AVEN: variants seen among roughly 807,000 people sequenced by gnomAD.
AVEN encodes apoptosis and caspase activation inhibitor.
Under a neutral mutation model 38.1 loss-of-function variants are expected in AVEN, and 41 were observed. The ratio of observed to expected loss-of-function variants is 1.08; its 90% CI spans 0.84 to 1.40. The LOEUF is 1.40. Among genes scored for constraint, AVEN ranks in the 40% most tolerant of loss-of-function variants. The pLI, the probability that AVEN is intolerant of heterozygous loss-of-function variation, is 0.00. For missense variants in AVEN, 605 were observed against 438.8 expected, an observed-to-expected ratio of 1.38 and a Z score of -3.38; for synonymous variants, 206 against 171.8, an observed-to-expected ratio of 1.20 and a Z score of -1.56.
chr15:33,856,682 C>G (rs375174322), downstream of AVEN: 1 of 156,086 alleles, frequency 6.4e-6, no homozygotes, highest in East Asian at 1.9e-4. Context: ...TTTTTTGAGA[C>G]GGAGTCTCAC....
chr15:33,932,834 C>T (rs200927690), intron 2 of AVEN, among the ~76,000 whole-genome samples: 7 of 139,876 alleles, frequency 5.0e-5, no homozygotes, highest in East Asian at 4.0e-4. Context: ...ACAAAATAAA[C>T]AAACAAATAA....
chr15:33,990,042 A>G (rs1057011777), intron 2 of AVEN, among the ~76,000 whole-genome samples: 1 of 151,810 alleles, frequency 6.6e-6, no homozygotes, highest in East Asian at 1.9e-4. Flanking sequence ...GTCTCTACTA[A>G]AAATACACAA....
chr15:33,969,516 G>C (rs1182216832), intron 2 of AVEN, among the ~76,000 whole-genome samples: 3 of 151,628 alleles, frequency 2.0e-5, no homozygotes, highest in Non-Finnish European at 4.4e-5. Flanking sequence ...TAGTTTCCCA[G>C]AGTACTTGAT....
chr15:33,894,752 G>T (rs142053580), intron 2 of AVEN, among the ~76,000 whole-genome samples: 1,979 of 123,692 alleles, frequency 0.016, 186 homozygotes, highest in South Asian at 0.039. Flanking sequence ...GGAGCTTGCA[G>T]TGAGCGGAGA....
chr15:33,854,318 T>G (rs2153000222), downstream of AVEN: 1 of 1,324,960 alleles, frequency 7.5e-7, no homozygotes, highest in Middle Eastern at 1.8e-4. Context: ...AAAACTTACT[T>G]TTTCCCCCTT....
intron 1 of AVEN, among the ~76,000 whole-genome samples, chr15:34,010,808 T>C (rs1416983380): frequency 1.3e-5 from 2 of 152,224 alleles, no homozygotes; most frequent in Non-Finnish European, 2.9e-5. Flanking sequence ...CATTTCAAAA[T>C]GTTTAATGTT....
intron 4 of AVEN, chr15:34,064,461 T>C (rs1326029548): frequency 1.0e-6 from 1 of 998,742 alleles, no homozygotes; most frequent in African/African-American, 1.6e-5. Context: ...CAAGTTTGGT[T>C]GCCAAATGGA....
Position 34,028,122 on chromosome 15 carries a change from G to A in AVEN, c.267+10658C>T, listed in dbSNP as rs150756749. On this transcript the variant is annotated intron_variant, in intron 1 of 5. Coordinates refer to ENST00000306730, the MANE Select transcript of AVEN (RefSeq NM_020371.3). ...AGAGACCCCCCCTCAGCAAAAGCTGGGAGACTTCATGCTTCAAGCCATTTA... is the reference window on the plus strand; with the variant it reads ...AGAGACCCCCCCTCAGCAAAAGCTGAGAGACTTCATGCTTCAAGCCATTTA... Among the ~76,000 whole-genome samples, 634 of 152,146 alleles carry A rather than the reference G, an allele frequency of 4.2e-3. 5 individuals are homozygous for A. Among genetic ancestry groups the A allele is most frequent in the African/African-American group, 0.014 (582 of 41,510 alleles).
chr15:34,045,385 G>A (rs1180207694), intron 5 of AVEN, among the ~76,000 whole-genome samples: 1 of 152,162 alleles, frequency 6.6e-6, no homozygotes, highest in Non-Finnish European at 1.5e-5. Flanking sequence ...AAAGGAGTTA[G>A]ATATATCTTA....
intron 1 of AVEN, among the ~76,000 whole-genome samples, chr15:34,014,612 C>T (rs1897802723): frequency 6.6e-6 from 1 of 152,126 alleles, no homozygotes; most frequent in South Asian, 2.1e-4. Flanking sequence ...GTACCAGTGT[C>T]TGTGAGAGGA....
At chr15:33,908,647 T>C (rs1892800135) in intron 2 of AVEN, among the ~76,000 whole-genome samples, 1 of 152,242 alleles carries the variant, frequency 6.6e-6, no homozygotes. Context: ...TCAGCAAGGT[T>C]CATCCTTGTT....
At chr15:34,026,758 C>A (rs1460945381) in intron 1 of AVEN, among the ~76,000 whole-genome samples, 2 of 152,044 alleles carry the variant, frequency 1.3e-5, no homozygotes, top group African/African-American at 2.4e-5. Flanking sequence ...GTGATCAATT[C>A]CAAATTGACA....
At chr15:33,854,709 A>G (rs1234116241), downstream of AVEN, 2 of 1,547,308 alleles carry the variant, frequency 1.3e-6, no homozygotes, top group East Asian at 4.5e-5. Flanking sequence ...AAAATGTTTT[A>G]TAATGAGCAC....
rs114062440 is a variant in AVEN at position 34,010,666 on chromosome 15, G to A, written c.268-7457C>T. On this transcript the variant is annotated intron_variant, in intron 1 of 5. Coordinates refer to ENST00000306730, the MANE Select transcript of AVEN (RefSeq NM_020371.3). Reference sequence around the variant, plus strand: ...GTGAATAGGTAGAATAGAAAGAAATGAGAAAGAACACATTTAAGGAAACCC... The same window carrying A: ...GTGAATAGGTAGAATAGAAAGAAATAAGAAAGAACACATTTAAGGAAACCC... 9.0e-3 allele frequency among the ~76,000 whole-genome samples: 1,376 copies of A among 152,218 alleles called. 29 individuals are homozygous for A. The highest frequency in any genetic ancestry group is 0.03 in the South Asian group (144 of 4,824).
intron 2 of AVEN, among the ~76,000 whole-genome samples, chr15:33,879,902 A>C (rs1567392841): frequency 2.0e-5 from 3 of 152,218 alleles, no homozygotes; most frequent in Non-Finnish European, 4.4e-5. Context: ...TATTCAGAGA[A>C]AAATTAATAA....
chr15:34,005,544 T>C (rs1371279424), intron 1 of AVEN, among the ~76,000 whole-genome samples: 1 of 152,240 alleles, frequency 6.6e-6, no homozygotes, highest in African/African-American at 2.4e-5. Context: ...AACCCTTTGT[T>C]ACAGCACATA....
chr15:34,065,937 A>C (rs886602990), intron 4 of AVEN: 5 of 152,218 alleles, frequency 3.3e-5, no homozygotes, highest in Non-Finnish European at 5.9e-5. Flanking sequence ...ATGGAAAATT[A>C]GCTGGTTTAG....
At chr15:33,932,413 C>T (rs1893882878) in intron 2 of AVEN, among the ~76,000 whole-genome samples, 1 of 152,152 alleles carries the variant, frequency 6.6e-6, no homozygotes, top group Admixed American at 6.5e-5. Flanking sequence ...TGTACACTGA[C>T]ATTACTAGGT....
At chr15:33,888,504 A>C (rs1350198594) in intron 2 of AVEN, among the ~76,000 whole-genome samples, 1 of 152,214 alleles carries the variant, frequency 6.6e-6, no homozygotes, top group East Asian at 1.9e-4. Flanking sequence ...TGTGCAAGCA[A>C]TTTGCTGTTA....
Sources: gnomAD v4.1 joint callset for allele counts (sites outside exome capture counted in the v4.1 genomes callset) on GRCh38, gnomAD v4.1.1 for gene constraint, MANE v1.5 for transcripts, NCBI Gene and HGNC (gene_info 2026-07-23, HGNC 2026-07-21) for gene names.